Variants in LRRC53 observed in about 807,000 individuals in gnomAD.
LRRC53 encodes the protein leucine-rich repeat-containing protein 53.
Under a neutral mutation model 13.6 loss-of-function variants are expected in LRRC53, and 25 were observed. The observed-to-expected ratio is 1.83, with a 90% confidence interval of 1.34 to 2.56. The LOEUF is 2.56. LRRC53 is among the 30% of genes most tolerant of loss of function. LRRC53 has a pLI of 0.00. For synonymous variants in LRRC53, 204 were observed against 109.8 expected, an observed-to-expected ratio of 1.86 and a Z score of -5.37; for missense variants, 527 against 275.8, an observed-to-expected ratio of 1.91 and a Z score of -6.45.
chr1:74,536,123 G>C, the LRRC53 span, among the ~76,000 whole-genome samples: 3 of 152,218 alleles, frequency 2.0e-5, no homozygotes, highest in African/African-American at 7.2e-5. Flanking sequence ...TTTGTAGGCT[G>C]TCTTACTCCT....
At chr1:74,532,394 C>A in the LRRC53 span, among the ~76,000 whole-genome samples, 1 of 152,220 alleles carries the variant, frequency 6.6e-6, no homozygotes, top group South Asian at 2.1e-4. Flanking sequence ...ATTATCAGCT[C>A]TGTAATTCAA....
At chr1:74,519,366 A>C in the LRRC53 span, among the ~76,000 whole-genome samples, 11 of 116,948 alleles carry the variant, frequency 9.4e-5, no homozygotes, top group South Asian at 1.5e-3. Context: ...TCTTTATAGC[A>C]GCATGATTTA....
chr1:74,514,434 C>A (rs1646318993), upstream of LRRC53, among the ~76,000 whole-genome samples: 2 of 152,108 alleles, frequency 1.3e-5, no homozygotes, highest in Non-Finnish European at 2.9e-5. Flanking sequence ...TGAAAAGGTC[C>A]ATTTTAATAG....
intron 1 of LRRC53, among the ~76,000 whole-genome samples, chr1:74,506,483 G>A (rs1240671090): frequency 2.0e-5 from 3 of 152,138 alleles, no homozygotes; most frequent in Non-Finnish European, 2.9e-5. Flanking sequence ...CAAGAGAGCT[G>A]CTCTCATACT....
chr1:74,515,300 G>T (rs1646333537), upstream of LRRC53, among the ~76,000 whole-genome samples: 1 of 152,182 alleles, frequency 6.6e-6, no homozygotes, highest in Non-Finnish European at 1.5e-5. Flanking sequence ...TGCCCTTCCT[G>T]AGGGTCATAG....
chr1:74,509,189 T>C (rs1444517264), intron 1 of LRRC53, among the ~76,000 whole-genome samples: 2 of 152,218 alleles, frequency 1.3e-5, no homozygotes, highest in Admixed American at 6.5e-5. Context: ...TCCTTACTTA[T>C]TTACACTACT....
intron 3 of LRRC53, among the ~76,000 whole-genome samples, chr1:74,479,583 A>G (rs540041796): frequency 4.6e-5 from 7 of 152,284 alleles, no homozygotes; most frequent in Non-Finnish European, 8.8e-5. Context: ...TAATCCAACT[A>G]CAGAGCTCAT....
Position 74,471,682 on chromosome 1 carries a change from T to C in LRRC53, c.1940A>G (p.Glu647Gly), listed in dbSNP as rs775560251. The C allele has an allele frequency of 3.0e-5, 12 of 400,960 alleles. No homozygotes were observed. The highest frequency in any genetic ancestry group is 4.4e-5 in the Non-Finnish European group (10 of 226,500). 24.8% of individuals were successfully genotyped at this position (400,960 alleles called of 1,614,324 possible). The change falls in exon 5 of 5, where the codon GAA becomes GGA. Residue 647 changes from glutamate (E) to glycine (G), a missense_variant. Physicochemically the swap from Glu to Gly is moderately conservative, Grantham distance 98. Coordinates refer to ENST00000294635, the MANE Select transcript of LRRC53 (RefSeq NM_001382280.1). ...GGGTGACATCATCGACCTATTTATT[T>C]CTACTAAATCAGGATCATGGAAGAT... is the stretch of plus-strand genomic sequence containing the variant. ...RVIFHDPDLV[E>G]INRSMMSPKI...
In LRRC53 at chr1:74,481,719, G is replaced by C. The variant is rs1432331539; in HGVS notation, c.89-751C>G. On this transcript the variant is annotated intron_variant, in intron 2 of 4. Coordinates refer to ENST00000294635, the MANE Select transcript of LRRC53 (RefSeq NM_001382280.1). ...ATCACCTCAGAGCTATCACTGCTCTGTCATTAGAAATCAAAGCATTTTAAC... is the reference window on the plus strand; with the variant it reads ...ATCACCTCAGAGCTATCACTGCTCTCTCATTAGAAATCAAAGCATTTTAAC... Among the ~76,000 whole-genome samples the C allele has an allele frequency of 2.0e-5, 3 of 152,138 alleles. No homozygotes were observed. The South Asian group carries it at 6.2e-4, about 32-fold the overall frequency.
the LRRC53 span, among the ~76,000 whole-genome samples, chr1:74,537,017 G>T: frequency 1.3e-5 from 2 of 152,142 alleles, no homozygotes; most frequent in Non-Finnish European, 2.9e-5. Flanking sequence ...ACCTGGCATG[G>T]GTAGCTTCCA....
intron 1 of LRRC53, among the ~76,000 whole-genome samples, chr1:74,496,521 A>G (rs1570700749): frequency 6.6e-6 from 1 of 152,076 alleles, no homozygotes; most frequent in African/African-American, 2.4e-5. Flanking sequence ...TTACTTTTCA[A>G]TTTTTGGTCA....
chr1:74,515,366 A>G (rs757555634), upstream of LRRC53, among the ~76,000 whole-genome samples: 3 of 152,236 alleles, frequency 2.0e-5, no homozygotes, highest in Non-Finnish European at 4.4e-5. Context: ...CACCTAACCC[A>G]GTATGAGACT....
intron 1 of LRRC53, among the ~76,000 whole-genome samples, chr1:74,503,730 G>A (rs936394877): frequency 1.3e-5 from 2 of 152,196 alleles, no homozygotes; most frequent in Non-Finnish European, 2.9e-5. Context: ...CAAGTGCCAC[G>A]ATGCCTATCA....
chr1:74,475,117 CA>C (rs1668127378), intron 4 of LRRC53, among the ~76,000 whole-genome samples, 177 bp downstream of exon 4: 1 of 14,580 alleles, frequency 6.9e-5, no homozygotes, highest in African/African-American at 5.5e-4. Context: ...CACCTCAGCC[CA>C]CACACACACA....
At chr1:74,518,873 C>CTTTTTTT in the LRRC53 span, among the ~76,000 whole-genome samples, 90 of 100,336 alleles carry the variant, frequency 9.0e-4, no homozygotes, top group East Asian at 2.9e-3. Context: ...TTTTTTTTCC[C>CTTTTTTT]CTTTTTTTTT....
the LRRC53 span, among the ~76,000 whole-genome samples, chr1:74,518,354 T>C: frequency 3.9e-5 from 6 of 152,186 alleles, no homozygotes; most frequent in Non-Finnish European, 5.9e-5. Context: ...TACTGTTCAC[T>C]CCTTTCATTG....
the LRRC53 span, among the ~76,000 whole-genome samples, chr1:74,519,662 ATAAAG>A: frequency 2.6e-5 from 4 of 152,238 alleles, no homozygotes; most frequent in Admixed American, 1.3e-4. Context: ...AATCTTTTTT[ATAAAG>A]TAAATAGTCT....
the LRRC53 span, among the ~76,000 whole-genome samples, chr1:74,521,811 C>T: frequency 3.9e-5 from 6 of 152,182 alleles, no homozygotes; most frequent in African/African-American, 1.4e-4. Context: ...GCTATTTCTA[C>T]TGAAATGTTA....
the LRRC53 span, among the ~76,000 whole-genome samples, chr1:74,519,219 A>T: frequency 5.7e-5 from 5 of 88,320 alleles, no homozygotes; most frequent in Admixed American, 2.7e-4. Context: ...AACTCATCAT[A>T]TTTTATGGCT....
Sources: gnomAD v4.1 joint callset for allele counts (sites outside exome capture counted in the v4.1 genomes callset) on GRCh38, gnomAD v4.1.1 for gene constraint, MANE v1.5 for transcripts, NCBI Gene and HGNC (gene_info 2026-07-23, HGNC 2026-07-21) for gene names.